The following KMT2C variants were observed in gnomAD, a reference collection of about 807,000 sequenced individuals.
The protein encoded by KMT2C is lysine methyltransferase 2C.
KMT2C carries 88 observed loss-of-function variants against 507.9 expected under a neutral mutation model. The observed-to-expected ratio is 0.17, with a 90% CI of 0.15 to 0.21. The LOEUF (loss-of-function observed/expected upper bound fraction) is 0.21. Ranked by LOEUF, KMT2C falls within the 10% of genes least tolerant of loss-of-function variation. The pLI is 1.00. For missense variants in KMT2C, 4,954 were observed against 5,957.8 expected (o/e 0.83, Z 5.55); for synonymous variants, 2,049 against 2,080.8 (o/e 0.98, Z 0.42).
At position 152,397,567 on chromosome 7, in the gene KMT2C, A is replaced by T. The variant is rs1589724369; in HGVS notation, c.161+38059T>A. Among the ~76,000 whole-genome samples, 3 of 152,092 alleles carry T rather than the reference A, an allele frequency of 2.0e-5. No individual in the cohort carries two copies. The East Asian group carries it at 5.8e-4, about 29-fold the overall frequency. On this transcript the variant is annotated intron_variant, in intron 1 of 58. Coordinates refer to ENST00000262189, the MANE Select transcript of KMT2C (RefSeq NM_170606.3). ...CATTGCACAGTAACACCAATCGTTT[A>T]TTTTGGGAGATGGGAGGATCCCTTG...
At chr7:152,317,533 G>A (rs1183412143) in intron 3 of KMT2C, among the ~76,000 whole-genome samples, 1 of 152,216 alleles carries the variant, frequency 6.6e-6, no homozygotes, top group Non-Finnish European at 1.5e-5. Flanking sequence ...TAGCACCTCT[G>A]AGGAAGAGGC....
chr7:152,298,702 A>C (rs2096537711), intron 6 of KMT2C, among the ~76,000 whole-genome samples: 1 of 152,230 alleles, frequency 6.6e-6, no homozygotes, highest in African/African-American at 2.4e-5. Context: ...CGAAGGAATA[A>C]AGAGCACCAC....
intron 22 of KMT2C, among the ~76,000 whole-genome samples, chr7:152,221,208 G>A (rs2094758079): frequency 6.6e-6 from 1 of 152,202 alleles, no homozygotes. Flanking sequence ...AGTGAGCCGA[G>A]ATCGTGCCAC....
intron 8 of KMT2C, among the ~76,000 whole-genome samples, chr7:152,264,134 C>T (rs531235493): frequency 9.9e-5 from 15 of 152,212 alleles, no homozygotes; most frequent in Non-Finnish European, 1.8e-4. Context: ...TATAAGGTAT[C>T]GAATAAATGT....
At chr7:152,435,023 G>C (rs1479589874) in intron 1 of KMT2C, among the ~76,000 whole-genome samples, 1 of 152,116 alleles carries the variant, frequency 6.6e-6, no homozygotes, top group East Asian at 1.9e-4. Context: ...TTGGGGGAGG[G>C]GGGAGGAAGA....
chr7:152,296,499 G>T (rs1289317337), intron 6 of KMT2C, among the ~76,000 whole-genome samples: 4 of 151,412 alleles, frequency 2.6e-5, no homozygotes, highest in African/African-American at 9.7e-5. Flanking sequence ...ATCTGGCAAG[G>T]ATTTTTCCTT....
rs1308160125 is a variant in KMT2C at position 152,223,888 on chromosome 7, A to C, written c.3323+127T>G. 1.6e-5 allele frequency: 11 copies of C among 688,624 alleles called. No individual in the cohort carries two copies. The Admixed American group carries it at 3.4e-4, about 21-fold the overall frequency. The allele number at this position is 688,624 out of a possible 1,614,324, so 42.7% of individuals were successfully genotyped here. A position where few individuals can be genotyped will look rare whatever the true frequency, so the allele number is the denominator to read the frequency against. ...CTTCTGTAAGTTTCTAGGTGACTAA[A>C]AATCTACAAGGCAAAAAGTTCTGTA... On this transcript the variant is annotated intron_variant, in intron 20 of 58. Transcript: ENST00000262189.
At chr7:152,432,632 A>T (rs1396522448) in intron 1 of KMT2C, among the ~76,000 whole-genome samples, 1 of 152,246 alleles carries the variant, frequency 6.6e-6, no homozygotes. Flanking sequence ...GATTTTAGGT[A>T]GTAAAATTTT....
At chr7:152,360,713 G>A (rs959317870) in intron 1 of KMT2C, among the ~76,000 whole-genome samples, 1 of 150,786 alleles carries the variant, frequency 6.6e-6, no homozygotes, top group Non-Finnish European at 1.5e-5. Flanking sequence ...GCTGGGCATG[G>A]TGGCACATGC....
chr7:152,210,372 T>C (rs2094426895), intron 23 of KMT2C, among the ~76,000 whole-genome samples: 1 of 152,170 alleles, frequency 6.6e-6, no homozygotes, highest in Admixed American at 6.5e-5. Context: ...AAAAATACTA[T>C]CTATCCAGTC....
chr7:152,206,861 A>C (rs879108159), intron 24 of KMT2C, among the ~76,000 whole-genome samples: 2 of 152,148 alleles, frequency 1.3e-5, no homozygotes, highest in East Asian at 3.8e-4. Context: ...ACTCTGTCTT[A>C]TTCCCCTTCA....
intron 56 of KMT2C, 59 bp from the exon 57 acceptor site, chr7:152,139,318 C>G (rs1368250548): frequency 1.4e-6 from 2 of 1,473,876 alleles, no homozygotes; most frequent in African/African-American, 1.4e-5. Flanking sequence ...CCTCTGTGTT[C>G]CTATCCACAC....
chr7:152,226,659 T>C (rs1201982340), intron 18 of KMT2C, among the ~76,000 whole-genome samples: 1 of 152,172 alleles, frequency 6.6e-6, no homozygotes, highest in Non-Finnish European at 1.5e-5. Flanking sequence ...ATGAAGGAAA[T>C]GGCCTAGGGG....
intron 2 of KMT2C, among the ~76,000 whole-genome samples, chr7:152,351,815 T>C (rs2129226558): frequency 6.6e-6 from 1 of 152,322 alleles, no homozygotes; most frequent in East Asian, 1.9e-4. Flanking sequence ...TTTACTTTAA[T>C]CTCTTAATCC....
At chr7:152,390,464 C>T (rs1436140840) in intron 1 of KMT2C, among the ~76,000 whole-genome samples, 1 of 152,306 alleles carries the variant, frequency 6.6e-6, no homozygotes, top group African/African-American at 2.4e-5. Context: ...ACGAAGTATA[C>T]AACAGTGTGA....
At chr7:152,431,525 G>C (rs2097862165) in intron 1 of KMT2C, among the ~76,000 whole-genome samples, 2 of 151,156 alleles carry the variant, frequency 1.3e-5, no homozygotes, top group African/African-American at 4.9e-5. Context: ...AGAATCACTT[G>C]AACCTGGGAG....
chr7:152,383,230 GTTGA>G (rs1247094620), intron 1 of KMT2C, among the ~76,000 whole-genome samples: 4 of 152,132 alleles, frequency 2.6e-5, no homozygotes, highest in East Asian at 1.9e-4. Context: ...ATTTTCTGTT[GTTGA>G]TTATTTAAAA....
At chr7:152,278,034 C>T (rs552970485) in intron 6 of KMT2C, among the ~76,000 whole-genome samples, 9 of 152,188 alleles carry the variant, frequency 5.9e-5, no homozygotes, top group South Asian at 4.1e-4. Flanking sequence ...TATTTGTCCC[C>T]GCCAAAATTT....
intron 6 of KMT2C, among the ~76,000 whole-genome samples, chr7:152,275,829 C>T (rs572501624): frequency 2.0e-5 from 3 of 152,236 alleles, no homozygotes; most frequent in African/African-American, 7.2e-5. Flanking sequence ...CTAATTTCTG[C>T]TAAATTGTTA....
Sources: allele counts gnomAD v4.1 joint callset (sites outside exome capture counted in the v4.1 genomes callset), GRCh38; gene constraint gnomAD v4.1.1; transcripts MANE v1.5; gene names NCBI Gene and HGNC (gene_info 2026-07-23, HGNC 2026-07-21).